Variants in MRTFB observed in about 807,000 individuals in gnomAD.
MRTFB encodes myocardin-related transcription factor B.
MRTFB carries 29 observed loss-of-function variants against 104.2 expected under a neutral mutation model. The ratio of observed to expected loss-of-function variants is 0.28; its 90% CI spans 0.21 to 0.38. MRTFB has a LOEUF of 0.38. Among genes scored for constraint, MRTFB ranks in the 10% least tolerant of loss-of-function variants. The pLI is 1.00. For synonymous variants in MRTFB, 535 were observed against 519.5 expected (o/e 1.03, Z -0.41); for missense variants, 1,270 against 1,341.6 (o/e 0.95, Z 0.83).
At chr16:14,212,547 A>G (rs2041238558) in intron 5 of MRTFB, 138 bp downstream of exon 5, 1 of 750,032 alleles carries the variant, frequency 1.3e-6, no homozygotes, top group African/African-American at 1.8e-5. Flanking sequence ...TACATGGCAT[A>G]GAGAATATTT....
the MRTFB span, among the ~76,000 whole-genome samples, chr16:13,996,597 GC>G: frequency 6.6e-6 from 1 of 152,236 alleles, no homozygotes; most frequent in Admixed American, 6.5e-5. Flanking sequence ...ATTGCGCCTT[GC>G]CCTTGAGTAG....
intron 2 of MRTFB, among the ~76,000 whole-genome samples, chr16:14,110,913 A>G (rs960765990): frequency 2.6e-5 from 4 of 151,988 alleles, no homozygotes; most frequent in African/African-American, 9.7e-5. Context: ...CTTAAACAGT[A>G]CTTCCATCAT....
intron 3 of MRTFB, chr16:14,143,976 G>A (rs2038160941): frequency 6.6e-6 from 1 of 152,166 alleles, no homozygotes; most frequent in African/African-American, 2.4e-5. Flanking sequence ...AATAATATTT[G>A]ACTACGTTTT....
chr16:14,171,556 A>ATCC (rs2039424101), intron 3 of MRTFB, among the ~76,000 whole-genome samples: 3 of 152,008 alleles, frequency 2.0e-5, no homozygotes, highest in Non-Finnish European at 4.4e-5. Context: ...CACTGTATAT[A>ATCC]TTAAAAACCA....
the MRTFB span, among the ~76,000 whole-genome samples, chr16:14,017,702 TATATATA>T: frequency 3.4e-4 from 12 of 35,816 alleles, 2 homozygotes; most frequent in Non-Finnish European, 7.3e-4. Flanking sequence ...TATATATATA[TATATATA>T]TATTTTTTTT....
chr16:14,170,067 A>G (rs1343453899), intron 3 of MRTFB: 2 of 152,130 alleles, frequency 1.3e-5, no homozygotes, highest in Non-Finnish European at 2.9e-5. Context: ...GTATTTTGTC[A>G]TGATTTTTTC....
At chr16:14,123,262 G>A (rs1198304793) in intron 2 of MRTFB, among the ~76,000 whole-genome samples, 2 of 152,108 alleles carry the variant, frequency 1.3e-5, no homozygotes, top group African/African-American at 4.8e-5. Context: ...TCTGATGATA[G>A]TTTCTTTTGC....
chr16:14,046,150 TACATG>T, the MRTFB span, among the ~76,000 whole-genome samples: 2 of 152,140 alleles, frequency 1.3e-5, no homozygotes, highest in Non-Finnish European at 2.9e-5. Flanking sequence ...GATCCCTCTC[TACATG>T]ACACATAGTA....
At chr16:14,097,747 C>G (rs72783463) in intron 2 of MRTFB, among the ~76,000 whole-genome samples, 8,924 of 152,252 alleles carry the variant, frequency 0.059, 520 homozygotes, top group East Asian at 0.3. Context: ...TCCTTTGCCC[C>G]TGTTTCCAGG....
At chr16:14,027,274 A>G in the MRTFB span, among the ~76,000 whole-genome samples, 1 of 152,184 alleles carries the variant, frequency 6.6e-6, no homozygotes, top group Non-Finnish European at 1.5e-5. Flanking sequence ...AAAAAAAGAC[A>G]CTGTCAAAGG....
At chr16:14,006,067 G>A in the MRTFB span, among the ~76,000 whole-genome samples, 1 of 152,172 alleles carries the variant, frequency 6.6e-6, no homozygotes, top group Non-Finnish European at 1.5e-5. Flanking sequence ...AATTAGCCGG[G>A]TGTGGTGGCT....
At chr16:14,239,870 T>A (rs369890875) in intron 9 of MRTFB, among the ~76,000 whole-genome samples, 19 of 152,250 alleles carry the variant, frequency 1.2e-4, no homozygotes, top group African/African-American at 3.9e-4. Context: ...TGAAGTATAC[T>A]TAACCTTTTC....
intron 2 of MRTFB, among the ~76,000 whole-genome samples, chr16:14,089,208 AT>A (rs756228856): frequency 5.3e-5 from 8 of 151,046 alleles, no homozygotes; most frequent in Non-Finnish European, 1.0e-4. Flanking sequence ...GAACTCAATG[AT>A]TTTTAGTATT....
intron 2 of MRTFB, among the ~76,000 whole-genome samples, chr16:14,107,367 G>T (rs2036036436): frequency 6.6e-6 from 1 of 152,176 alleles, no homozygotes; most frequent in Non-Finnish European, 1.5e-5. Flanking sequence ...TTCACGCCTA[G>T]AATCTCTCTC....
chr16:14,098,331 A>G (rs183999583), intron 2 of MRTFB, among the ~76,000 whole-genome samples: 7 of 152,298 alleles, frequency 4.6e-5, no homozygotes, highest in Admixed American at 3.9e-4. Flanking sequence ...CCTAATGACT[A>G]ATGGAGTTGA....
the MRTFB span, among the ~76,000 whole-genome samples, chr16:14,017,229 TG>T: frequency 6.6e-6 from 1 of 151,898 alleles, no homozygotes; most frequent in Non-Finnish European, 1.5e-5. Context: ...GCTAATTTTT[TG>T]TATTTTTAAT....
At chr16:14,139,443 C>T (rs898375593) in intron 2 of MRTFB, among the ~76,000 whole-genome samples, 3 of 152,198 alleles carry the variant, frequency 2.0e-5, no homozygotes, top group African/African-American at 7.2e-5. Flanking sequence ...CTGGAATTCT[C>T]ATACCCTGCT....
the MRTFB span, among the ~76,000 whole-genome samples, chr16:14,026,367 A>G: frequency 6.6e-6 from 1 of 152,310 alleles, no homozygotes; most frequent in Non-Finnish European, 1.5e-5. Flanking sequence ...AGCCAAAAAT[A>G]TAAATTTCAA....
At chr16:13,999,573 G>A in the MRTFB span, among the ~76,000 whole-genome samples, 1 of 151,984 alleles carries the variant, frequency 6.6e-6, no homozygotes, top group Non-Finnish European at 1.5e-5. Flanking sequence ...GTATAAAGAT[G>A]CAAAGTTTAG....
Sources: allele counts gnomAD v4.1 joint callset (sites outside exome capture counted in the v4.1 genomes callset), GRCh38; gene constraint gnomAD v4.1.1; transcripts MANE v1.5; gene names NCBI Gene and HGNC (gene_info 2026-07-23, HGNC 2026-07-21).